The following CNTN5 variants were observed in gnomAD, a reference collection of about 807,000 sequenced individuals.
The protein encoded by CNTN5 is contactin 5, also known as contactin-5.
A neutral mutation model predicts 129.1 loss-of-function variants in CNTN5; 77 were observed. That is an observed-to-expected ratio of 0.60 (90% CI 0.50 to 0.72). The LOEUF (loss-of-function observed/expected upper bound fraction) is 0.72. Ranked by LOEUF, CNTN5 falls within the 30% of genes least tolerant of loss-of-function variation. The pLI is 0.00. For synonymous variants in CNTN5, 509 were observed against 465.6 expected, an observed-to-expected ratio of 1.09 and a Z score of -1.20; for missense variants, 1,478 against 1,328.8, an observed-to-expected ratio of 1.11 and a Z score of -1.75.
intron 1 of CNTN5, among the ~76,000 whole-genome samples, chr11:99,110,606 A>G (rs1047933294): frequency 6.6e-6 from 1 of 152,126 alleles, no homozygotes; most frequent in African/African-American, 2.4e-5. Flanking sequence ...TCAGCAGCAC[A>G]TGTTCACACG....
intron 2 of CNTN5, among the ~76,000 whole-genome samples, chr11:99,478,346 C>G (rs1945461755): frequency 6.6e-6 from 1 of 152,092 alleles, no homozygotes. Context: ...GGGGGCCCAC[C>G]CTCAGTTTCT....
intron 9 of CNTN5, among the ~76,000 whole-genome samples, chr11:100,018,556 C>T (rs991344216): frequency 8.6e-5 from 13 of 152,022 alleles, no homozygotes; most frequent in East Asian, 3.9e-4. Context: ...TACCACCATG[C>T]GTGCATCTGT....
At chr11:99,519,634 A>G (rs1947196019) in intron 2 of CNTN5, among the ~76,000 whole-genome samples, 1 of 152,092 alleles carries the variant, frequency 6.6e-6, no homozygotes. Context: ...CTTTTATCAT[A>G]TATTAAAACA....
chr11:100,117,733 A>ATT (rs35344045), intron 13 of CNTN5, among the ~76,000 whole-genome samples: 130 of 148,492 alleles, frequency 8.8e-4, no homozygotes, highest in East Asian at 2.4e-3. Flanking sequence ...TTTGCAGGGC[A>ATT]TTTTTTTTTT....
chr11:99,722,403 T>C (rs1159687774), intron 3 of CNTN5, among the ~76,000 whole-genome samples: 3 of 152,090 alleles, frequency 2.0e-5, no homozygotes, highest in Admixed American at 2.0e-4. Context: ...TACCACTTGT[T>C]CTCACTTGTG....
intron 16 of CNTN5, among the ~76,000 whole-genome samples, chr11:100,231,153 A>G (rs1028319936): frequency 6.6e-6 from 1 of 152,134 alleles, no homozygotes; most frequent in African/African-American, 2.4e-5. Flanking sequence ...TATGGGAAGG[A>G]GTTTAACTCT....
chr11:99,839,513 G>A (rs1451228910), intron 4 of CNTN5, among the ~76,000 whole-genome samples: 1 of 152,020 alleles, frequency 6.6e-6, no homozygotes, highest in African/African-American at 2.4e-5. Flanking sequence ...TCAGATTATA[G>A]TCAAACTCCT....
intron 18 of CNTN5, among the ~76,000 whole-genome samples, chr11:100,290,392 C>A (rs1950932413): frequency 6.6e-6 from 1 of 150,464 alleles, no homozygotes; most frequent in African/African-American, 2.4e-5. Flanking sequence ...CAGCATGGTA[C>A]TGGTACCAAA....
intron 3 of CNTN5, among the ~76,000 whole-genome samples, chr11:99,590,050 G>A (rs1453254740): frequency 6.6e-6 from 1 of 152,040 alleles, no homozygotes; most frequent in Non-Finnish European, 1.5e-5. Flanking sequence ...ATGAACTTCA[G>A]GTATAGAGGA....
chr11:99,791,204 A>G (rs1945730243), intron 3 of CNTN5, among the ~76,000 whole-genome samples: 1 of 151,900 alleles, frequency 6.6e-6, no homozygotes, highest in Non-Finnish European at 1.5e-5. Context: ...GGTCTTAGTC[A>G]TGAACTCTTT....
intron 3 of CNTN5, among the ~76,000 whole-genome samples, chr11:99,597,724 C>G (rs1950169474): frequency 6.6e-6 from 1 of 152,138 alleles, no homozygotes; most frequent in Non-Finnish European, 1.5e-5. Context: ...CAGTGCCCAG[C>G]TGGCCACACA....
intron 8 of CNTN5, among the ~76,000 whole-genome samples, chr11:99,989,624 A>G (rs1337190714): frequency 6.6e-6 from 1 of 152,212 alleles, no homozygotes; most frequent in Non-Finnish European, 1.5e-5. Context: ...GATTACATGC[A>G]TGTAATTACA....
At chr11:100,304,375 A>T (rs1951298035) in intron 20 of CNTN5, among the ~76,000 whole-genome samples, 1 of 151,676 alleles carries the variant, frequency 6.6e-6, no homozygotes, top group Non-Finnish European at 1.5e-5. Flanking sequence ...GATGGGAGTG[A>T]GAGTGGCAGA....
chr11:100,123,354 G>A (rs559567947), intron 13 of CNTN5, among the ~76,000 whole-genome samples: 66 of 151,978 alleles, frequency 4.3e-4, no homozygotes, highest in African/African-American at 1.6e-3. Flanking sequence ...AATATTCCAT[G>A]CAGAAAGAGG....
intron 1 of CNTN5, among the ~76,000 whole-genome samples, chr11:99,185,160 A>C (rs1000099902): frequency 2.0e-5 from 3 of 151,942 alleles, no homozygotes; most frequent in Admixed American, 6.6e-5. Context: ...AACAGAAAAA[A>C]AGGAAAAGAC....
At chr11:100,331,230 G>A (rs746238027) in intron 21 of CNTN5, among the ~76,000 whole-genome samples, 24 of 152,036 alleles carry the variant, frequency 1.6e-4, no homozygotes, top group African/African-American at 2.2e-4. Context: ...AGTTTAAAAA[G>A]ACAAAGAGGG....
intron 2 of CNTN5, among the ~76,000 whole-genome samples, chr11:99,540,896 T>A (rs1948081808): frequency 6.6e-6 from 1 of 152,190 alleles, no homozygotes; most frequent in African/African-American, 2.4e-5. Context: ...TTTAGAAGTA[T>A]CTTGATAAAC....
At chr11:99,862,181 T>C (rs1256046443) in intron 6 of CNTN5, among the ~76,000 whole-genome samples, 7 of 152,176 alleles carry the variant, frequency 4.6e-5, no homozygotes, top group Non-Finnish European at 1.0e-4. Flanking sequence ...GCATCATATT[T>C]AATATGATAC....
intron 13 of CNTN5, among the ~76,000 whole-genome samples, chr11:100,149,759 G>GTGGC (rs1946988443): frequency 6.6e-6 from 1 of 151,942 alleles, no homozygotes; most frequent in African/African-American, 2.4e-5. Flanking sequence ...GCCAGGCATG[G>GTGGC]TGGCGGGTGC....
Sources: gnomAD v4.1 joint callset for allele counts (sites outside exome capture counted in the v4.1 genomes callset) on GRCh38, gnomAD v4.1.1 for gene constraint, MANE v1.5 for transcripts, NCBI Gene and HGNC (gene_info 2026-07-23, HGNC 2026-07-21) for gene names.